LRRC28: variants seen among roughly 807,000 people sequenced by gnomAD.
LRRC28 encodes leucine rich repeat containing 28, also known as leucine-rich repeat-containing protein 28.
Under a neutral mutation model 45.7 loss-of-function variants are expected in LRRC28, and 39 were observed. That is an observed-to-expected ratio of 0.85 (90% confidence interval 0.66 to 1.12). LRRC28 has a LOEUF of 1.12. Among genes scored for constraint, LRRC28 ranks in the 50% most tolerant of loss-of-function variants. LRRC28 has a pLI of 0.00. For missense variants in LRRC28, 435 were observed against 438.5 expected (o/e 0.99, Z 0.07); for synonymous variants, 206 against 178.8 (o/e 1.15, Z -1.22).
At chr15:99,260,473 T>C (rs904257841) in intron 2 of LRRC28, among the ~76,000 whole-genome samples, 2 of 152,246 alleles carry the variant, frequency 1.3e-5, no homozygotes, top group African/African-American at 2.4e-5. Flanking sequence ...GTATGTATTT[T>C]ACTTTGTTTT....
At chr15:99,317,656 G>A (rs921085638) in intron 5 of LRRC28, 2 of 152,060 alleles carry the variant, frequency 1.3e-5, no homozygotes, top group Admixed American at 1.3e-4. Flanking sequence ...GTGTTGTTTT[G>A]AAATAATTCC....
chr15:99,261,045 C>T (rs529943078), intron 2 of LRRC28, among the ~76,000 whole-genome samples: 1 of 152,210 alleles, frequency 6.6e-6, no homozygotes, highest in East Asian at 1.9e-4. Context: ...GAGAAGTTGT[C>T]GCTAATACTC....
At chr15:99,362,159 G>T (rs1480973044) in intron 8 of LRRC28, among the ~76,000 whole-genome samples, 2 of 152,194 alleles carry the variant, frequency 1.3e-5, no homozygotes, top group Non-Finnish European at 2.9e-5. Context: ...TACATTTCAG[G>T]TGTTTTTAAA....
chr15:99,265,207 G>A (rs1033729336), intron 2 of LRRC28, among the ~76,000 whole-genome samples: 1 of 152,212 alleles, frequency 6.6e-6, no homozygotes, highest in Non-Finnish European at 1.5e-5. Flanking sequence ...GCTGTCTGAG[G>A]GATGGAGAAG....
chr15:99,329,856 G>A (rs867046748), intron 5 of LRRC28, among the ~76,000 whole-genome samples: 2 of 152,112 alleles, frequency 1.3e-5, no homozygotes, highest in East Asian at 1.9e-4. Flanking sequence ...AGTGGTATGC[G>A]TGTATGCATT....
intron 5 of LRRC28, among the ~76,000 whole-genome samples, chr15:99,312,755 AT>A (rs1955458216): frequency 6.6e-6 from 1 of 152,144 alleles, no homozygotes; most frequent in African/African-American, 2.4e-5. Context: ...GGTGATAGGA[AT>A]TTTTTAGCTA....
chr15:99,305,068 AAAG>A (rs1955133452), intron 5 of LRRC28, among the ~76,000 whole-genome samples: 3 of 152,152 alleles, frequency 2.0e-5, no homozygotes, highest in Admixed American at 2.0e-4. Context: ...GAGTTGAGCC[AAAG>A]AAGTGAAAGG....
intron 2 of LRRC28, among the ~76,000 whole-genome samples, chr15:99,269,553 G>A (rs982350200): frequency 1.3e-5 from 2 of 152,106 alleles, no homozygotes; most frequent in South Asian, 2.1e-4. Context: ...ACAGGCACCC[G>A]CCATCACGCC....
At chr15:99,321,320 T>G (rs957251780) in intron 5 of LRRC28, among the ~76,000 whole-genome samples, 1 of 152,204 alleles carries the variant, frequency 6.6e-6, no homozygotes, top group Non-Finnish European at 1.5e-5. Context: ...AATTTAGTTA[T>G]GTTATTGTAT....
At chr15:99,365,223 CTACAACTTAGAAATG>C (rs1170404178) in intron 9 of LRRC28, among the ~76,000 whole-genome samples, 11 of 152,196 alleles carry the variant, frequency 7.2e-5, no homozygotes, top group African/African-American at 2.2e-4. Flanking sequence ...AATTTCCCTG[CTACAACTTAGAAATG>C]TAGTGTGACT....
chr15:99,268,953 A>G (rs1460689114), intron 2 of LRRC28, among the ~76,000 whole-genome samples: 4 of 152,244 alleles, frequency 2.6e-5, no homozygotes, highest in Non-Finnish European at 5.9e-5. Flanking sequence ...TAAGATAAAC[A>G]CTTCAAGAGG....
intron 6 of LRRC28, among the ~76,000 whole-genome samples, chr15:99,340,138 G>A (rs1956458707): frequency 6.6e-6 from 1 of 152,174 alleles, no homozygotes; most frequent in Non-Finnish European, 1.5e-5. Flanking sequence ...CTTTGATAAG[G>A]GTATAAAGCT....
chr15:99,370,063 T>C (rs1246680592), intron 9 of LRRC28, among the ~76,000 whole-genome samples: 1 of 152,234 alleles, frequency 6.6e-6, no homozygotes, highest in African/African-American at 2.4e-5. Context: ...ACAAGTCATA[T>C]GCGTATGGTC....
At chr15:99,295,943 C>T (rs1454377424) in intron 5 of LRRC28, among the ~76,000 whole-genome samples, 6 of 152,118 alleles carry the variant, frequency 3.9e-5, no homozygotes, top group Non-Finnish European at 8.8e-5. Flanking sequence ...ATTTAGTATC[C>T]TTTCTTAGGT....
chr15:99,277,456 TG>T, intron 3 of LRRC28, among the ~76,000 whole-genome samples: 1 of 152,208 alleles, frequency 6.6e-6, no homozygotes, highest in Non-Finnish European at 1.5e-5. Context: ...CCTACCCCTC[TG>T]CCCCCTCCCC....
rs755594190 is a variant in LRRC28, at chr15:99,387,610, G to C, written c.*1508G>C. 6.6e-6 allele frequency: 1 copy of C among 152,176 alleles called. No individual in the cohort carries two copies. The highest frequency in any genetic ancestry group is 1.5e-5 in the Non-Finnish European group (1 of 68,038). 9.4% of individuals were successfully genotyped at this position (152,176 alleles called of 1,614,324 possible). A position where few individuals can be genotyped will look rare whatever the true frequency, so the allele number is the denominator to read the frequency against. ...CTCTTCATGAAGAAGTCACGTATTT[G>C]CTCTTCCTTTCAAAGGATGGCATTT... is the stretch of plus-strand genomic sequence containing the variant. On this transcript the variant is annotated 3_prime_UTR_variant, in exon 10 of 10. Coordinates refer to ENST00000301981, the MANE Select transcript of LRRC28 (RefSeq NM_144598.5).
At chr15:99,361,637 TA>T (rs1252985326) in intron 8 of LRRC28, 126 bp downstream of exon 8, 1 of 876,548 alleles carries the variant, frequency 1.1e-6, no homozygotes, top group Non-Finnish European at 1.7e-6. Flanking sequence ...AACACGAAAG[TA>T]ACCATTTTAT....
intron 6 of LRRC28, among the ~76,000 whole-genome samples, chr15:99,339,015 G>T (rs1956417248): frequency 6.6e-6 from 1 of 152,188 alleles, no homozygotes; most frequent in South Asian, 2.1e-4. Context: ...GCAGTCACTT[G>T]AGCCTAGTGC....
intron 2 of LRRC28, chr15:99,257,940 C>T: frequency 1.3e-6 from 1 of 772,564 alleles, no homozygotes; most frequent in Non-Finnish European, 2.4e-6. Context: ...CCTTAGAGAA[C>T]TGATTCTGAC....
Sources: allele counts gnomAD v4.1 joint callset (sites outside exome capture counted in the v4.1 genomes callset), GRCh38; gene constraint gnomAD v4.1.1; transcripts MANE v1.5; gene names NCBI Gene and HGNC (gene_info 2026-07-23, HGNC 2026-07-21).